Variants in NUMA1 observed in about 807,000 individuals in gnomAD.
NUMA1 encodes SP-H antigen.
NUMA1 carries 62 observed loss-of-function variants against 237.1 expected under a neutral mutation model. The observed-to-expected ratio is 0.26, with a 90% CI of 0.21 to 0.32. The LOEUF (loss-of-function observed/expected upper bound fraction) is 0.32. NUMA1 is among the 10% of genes least tolerant of loss of function. The pLI is 1.00. For missense variants in NUMA1, 2,533 were observed against 2,666.5 expected (o/e 0.95, Z 1.10); for synonymous variants, 1,028 against 1,066.1 (o/e 0.96, Z 0.70).
At chr11:72,041,035 G>C (rs887248197) in intron 2 of NUMA1, 10 of 152,142 alleles carry the variant, frequency 6.6e-5, no homozygotes, top group African/African-American at 1.7e-4. Context: ...GAGGAGGAAG[G>C]GGGGGCCAGT....
Position 72,029,294 on chromosome 11 carries a change from TA to T in NUMA1, c.43-5del. 1.3e-6 allele frequency: 2 copies of T among 1,598,386 alleles called. No homozygotes were observed. The highest frequency in any genetic ancestry group is 1.7e-6 in the Non-Finnish European group (2 of 1,173,450). ...CAGCCACGTGTAGACTGTTCACCTG[TA>T]AATCAAAGGGAACAGCCTAGTGAGA... is the stretch of plus-strand genomic sequence containing the variant. On this transcript the variant is annotated splice_region_variant and splice_polypyrimidine_tract_variant and intron_variant, in intron 3 of 26. Transcript: ENST00000393695.
chr11:72,060,050 A>G (rs2136146165), intron 2 of NUMA1, among the ~76,000 whole-genome samples: 1 of 152,322 alleles, frequency 6.6e-6, no homozygotes, highest in South Asian at 2.1e-4. Flanking sequence ...GAGGGTTCAG[A>G]GATGCTAGAG....
At position 72,016,510 on chromosome 11, in the gene NUMA1, G is replaced by C. The variant is rs142927239; in HGVS notation, c.1140C>G (p.Asn380Lys). Residue 380 changes from asparagine (N) to lysine (K), a missense_variant, in exon 14 of 27, where the codon AAC (asparagine) becomes AAG (lysine). This residue lies in a region of NUMA1 where 1,414 missense variants were observed against 1,508.1 expected (regional missense o/e 0.94). Transcript: ENST00000393695. ...GTGAAAGTTTTCCCTGAAGGATTTCGTTCTTCTCTTCAAGGCATTTCTGGG... is the reference window on the plus strand; with the variant it reads ...GTGAAAGTTTTCCCTGAAGGATTTCCTTCTTCTCTTCAAGGCATTTCTGGG... ...LQDKKCLEEK[N>K]EILQGKLSQL... The C allele has an allele frequency of 1.9e-6, 3 of 1,613,854 alleles. No individual in the cohort carries two copies. The highest frequency in any genetic ancestry group is 2.5e-6 in the Non-Finnish European group (3 of 1,180,030).
Position 72,040,317 on chromosome 11 carries a change from T to TACAGATGTCTG in NUMA1, c.-32-4353_-32-4343dup, listed in dbSNP as rs200840279. Reference sequence around the variant, plus strand: ...TTCTCTGGTTTCTTCAAAAGTGGCTTACAGATGTCTGCCCCTTCTCCCCGT... The same window carrying TACAGATGTCTG: ...TTCTCTGGTTTCTTCAAAAGTGGCTTACAGATGTCTGACAGATGTCTGCCCCTTCTCCCCGT... On this transcript the variant is annotated intron_variant, in intron 2 of 26. Coordinates refer to ENST00000393695, the MANE Select transcript of NUMA1 (RefSeq NM_006185.4). Among the ~76,000 whole-genome samples the TACAGATGTCTG allele has an allele frequency of 4.3e-3, 659 of 152,246 alleles. 2 individuals carry two copies. Among genetic ancestry groups the TACAGATGTCTG allele is most frequent in the African/African-American group, 0.015 (630 of 41,536 alleles).
intron 4 of NUMA1, among the ~76,000 whole-genome samples, chr11:72,028,594 C>CAAA (rs1255672747): frequency 6.6e-6 from 1 of 151,580 alleles, no homozygotes; most frequent in Non-Finnish European, 1.5e-5. Context: ...AGACACAGAC[C>CAAA]AAAAGGCCAA....
intron 5 of NUMA1, 62 bp from the exon 6 acceptor site, chr11:72,023,209 G>C (rs1939133219): frequency 8.1e-7 from 1 of 1,235,482 alleles, no homozygotes; most frequent in Non-Finnish European, 1.2e-6. Context: ...TGAGATCCCA[G>C]AACACTGAAA....
At chr11:72,004,861 G>A in intron 23 of NUMA1, 45 bp from the exon 24 acceptor site, 1 of 1,505,664 alleles carries the variant, frequency 6.6e-7, no homozygotes, top group Non-Finnish European at 8.9e-7. Flanking sequence ...GCTGTATGGA[G>A]ATGGAGGAGG....
chr11:72,054,255 CAGG>C (rs1485328548), intron 2 of NUMA1, among the ~76,000 whole-genome samples: 9 of 152,076 alleles, frequency 5.9e-5, no homozygotes, highest in Admixed American at 5.9e-4. Flanking sequence ...CGCTTGAGGC[CAGG>C]AGTTCGAGAC....
intron 2 of NUMA1, among the ~76,000 whole-genome samples, chr11:72,056,513 G>GACA: frequency 6.6e-6 from 1 of 151,298 alleles, no homozygotes; most frequent in African/African-American, 2.4e-5. Context: ...GTAGGGACAG[G>GACA]GTTTTACTAT....
At position 72,005,353 on chromosome 11, in the gene NUMA1, G is replaced by A. The variant is rs775505428; in HGVS notation, c.5709C>T (p.Tyr1903=). The A allele has an allele frequency of 1.2e-6, 2 of 1,607,984 alleles. No homozygotes were observed. Among genetic ancestry groups the A allele is most frequent in the Admixed American group, 1.7e-5 (1 of 59,100 alleles). The part of the protein sequence containing the change: ...SGAPPGRNSF[Y]MGTCQDEPEQ... ...CAGGCTCATCCTGGCAAGTGCCCAT[G>A]TAGAAGCTGTTCCTTCCTGTGGAAG... Residue 1903 remains tyrosine (Y), a synonymous_variant, in exon 23 of 27, where the codon TAC becomes TAT. Coordinates refer to ENST00000393695, the MANE Select transcript of NUMA1 (RefSeq NM_006185.4).
At chr11:72,037,395 A>C (rs879815881) in intron 2 of NUMA1, among the ~76,000 whole-genome samples, 21 of 152,200 alleles carry the variant, frequency 1.4e-4, no homozygotes, top group Non-Finnish European at 2.8e-4. Flanking sequence ...AGTCCCAGCT[A>C]CTCGGGAGGC....
chr11:72,003,501 T>C lies in NUMA1; in HGVS notation c.*26A>G. On this transcript the variant is annotated 3_prime_UTR_variant, in exon 27 of 27. Transcript: ENST00000393695. ...GTGAGGTCAGCATCGGGGACACAGG[T>C]GGGGCCACTCACTGGTACTGGCCCT... The C allele has an allele frequency of 6.2e-7, 1 of 1,611,686 alleles. No individual in the cohort carries two copies. The highest frequency in any genetic ancestry group is 8.5e-7 in the Non-Finnish European group (1 of 1,177,792).
At chr11:72,048,672 C>CGTGTTT (rs1565273975) in intron 2 of NUMA1, among the ~76,000 whole-genome samples, 1 of 152,104 alleles carries the variant, frequency 6.6e-6, no homozygotes, top group Non-Finnish European at 1.5e-5. Flanking sequence ...CGTGCCAGGC[C>CGTGTTT]GAAAATCAGC....
chr11:72,018,438 A>G lies in NUMA1; in HGVS notation c.818T>C (p.Leu273Pro). The change falls in exon 11 of 27, where the codon CTG becomes CCG. Residue 273 changes from leucine to proline, a missense_variant. This residue lies in a region of NUMA1 where 1,414 missense variants were observed against 1,508.1 expected (regional missense o/e 0.94). Coordinates refer to ENST00000393695, the MANE Select transcript of NUMA1 (RefSeq NM_006185.4). ...LLNEKQAASP[L>P]EPKELEELRD... ...CAGCTCCTCAAGCTCCTTGGGCTCC[A>G]GTGGGCTGGCCGCCTGCTTCTCATT... 1.9e-6 allele frequency: 3 copies of G among 1,614,156 alleles called. No individual in the cohort carries two copies. The highest frequency in any genetic ancestry group is 2.5e-6 in the Non-Finnish European group (3 of 1,180,032).
At position 72,007,301 on chromosome 11, in the gene NUMA1, G is replaced by C; in HGVS notation, c.5351C>G (p.Ala1784Gly). 6.2e-7 allele frequency: 1 copy of C among 1,613,252 alleles called. No individual in the cohort carries two copies. Among genetic ancestry groups the C allele is most frequent in the Non-Finnish European group, 8.5e-7 (1 of 1,179,726 alleles). ...YFTPIPARSQ[A>G]PLESSLDSLG... ...GGAGTCCAGGCTGCTCTCCAGGGGG[G>C]CCTGACTCCGAGCAGGGATGGGAGT... is the stretch of plus-strand genomic sequence containing the variant. The change falls in exon 21 of 27, where the codon GCC (alanine) becomes GGC (glycine). Residue 1784 changes from alanine to glycine, a missense_variant. Coordinates refer to ENST00000393695, the MANE Select transcript of NUMA1 (RefSeq NM_006185.4).
Position 72,017,697 on chromosome 11 carries a change from A to G in NUMA1, c.1109T>C (p.Leu370Pro). ...AQLEKELSAA[L>P]QDKKCLEEKN... ...CCAGCAGAGGGTTACCTTGTCCTGC[A>G]GGGCTGCGCTGAGCTCCTTCTCCAG... is the stretch of plus-strand genomic sequence containing the variant. Residue 370 changes from leucine (L) to proline (P), a missense_variant, in exon 13 of 27, where the codon CTG (leucine) becomes CCG (proline). Transcript: ENST00000393695. The G allele has an allele frequency of 6.2e-7, 1 of 1,613,160 alleles. No homozygotes were observed. Among genetic ancestry groups the G allele is most frequent in the Non-Finnish European group, 8.5e-7 (1 of 1,180,022 alleles).
rs1955665645 is a variant in NUMA1 at position 72,006,056 on chromosome 11, C to A, written c.5671G>T (p.Val1891Leu). ...RSSARRSQAG[V>L]SSGAPPGRNS... ...TCACCTGGAGGGGCCCCACTGGACA[C>A]CCCGGCCTGGGAACGACGAGCAGAA... Residue 1891 changes from valine to leucine, a missense_variant, in exon 22 of 27, where the codon GTG becomes TTG. This residue lies in a region of NUMA1 where 795 missense variants were observed against 750.8 expected (regional missense o/e 1.06). Transcript: ENST00000393695. 1 of 1,612,976 alleles carries A rather than the reference C, an allele frequency of 6.2e-7. No homozygotes were observed. The highest frequency in any genetic ancestry group is 1.3e-5 in the African/African-American group (1 of 74,926).
rs1489912224 is a variant in NUMA1 at position 72,003,504 on chromosome 11, G to A, written c.*23C>T. The stretch of plus-strand genomic sequence containing the variant: ...AGGTCAGCATCGGGGACACAGGTGG[G>A]GCCACTCACTGGTACTGGCCCTTTA... On this transcript the variant is annotated 3_prime_UTR_variant, in exon 27 of 27. Coordinates refer to ENST00000393695, the MANE Select transcript of NUMA1 (RefSeq NM_006185.4). The A allele has an allele frequency of 2.5e-6, 4 of 1,612,968 alleles. No homozygotes were observed. Among genetic ancestry groups the A allele is most frequent in the South Asian group, 1.1e-5 (1 of 91,062 alleles).
At chr11:72,045,825 T>A (rs1941961820) in intron 2 of NUMA1, among the ~76,000 whole-genome samples, 1 of 152,156 alleles carries the variant, frequency 6.6e-6, no homozygotes, top group Non-Finnish European at 1.5e-5. Flanking sequence ...CCAGAAAATG[T>A]ATAAGGTGAA....
Sources: allele counts gnomAD v4.1 joint callset (sites outside exome capture counted in the v4.1 genomes callset), GRCh38; gene constraint gnomAD v4.1.1; regional missense constraint gnomAD v4.1.1; transcripts MANE v1.5; gene names NCBI Gene and HGNC (gene_info 2026-07-23, HGNC 2026-07-21).